The following MAP4 variants were observed in gnomAD, a reference collection of about 807,000 sequenced individuals.
The protein encoded by MAP4 is microtubule-associated protein 4.
MAP4 carries 76 observed loss-of-function variants against 170.2 expected under a neutral mutation model. That is an observed-to-expected ratio of 0.45 (90% CI 0.37 to 0.54). The LOEUF (loss-of-function observed/expected upper bound fraction) is 0.54, where lower values mean the gene tolerates loss of function less well. Among genes scored for constraint, MAP4 ranks in the 20% least tolerant of loss-of-function variants. The probability of loss-of-function intolerance (pLI) is 0.00; values close to 1 mark genes in which losing one functional copy is unlikely to be tolerated. For missense variants in MAP4, 2,506 were observed against 2,748.0 expected (o/e 0.91, Z 1.97); for synonymous variants, 909 against 994.5 (o/e 0.91, Z 1.62).
chr3:48,062,400 CT>C (rs1177795428), intron 1 of MAP4, among the ~76,000 whole-genome samples: 1 of 148,248 alleles, frequency 6.7e-6, no homozygotes, highest in East Asian at 2.0e-4. Context: ...AACCAGAGAC[CT>C]TTGTTCACTT....
chr3:47,876,000 A>G lies in MAP4; in HGVS notation c.5542-100T>C. 3 of 874,040 alleles carry G rather than the reference A, an allele frequency of 3.4e-6. No homozygotes were observed. The South Asian group carries it at 5.0e-5, about 14-fold the overall frequency. The allele number at this position is 874,040 out of a possible 1,614,324, so 54.1% of individuals were successfully genotyped here. On this transcript the variant is annotated intron_variant, in intron 11 of 20. Transcript: ENST00000683076. ...AATTAAAAAAAGTATAAATTGCACA[A>G]TTCAAAGTAAAATTATAAGCAATGA...
At position 47,930,877 on chromosome 3, in the gene MAP4, G is replaced by A. The variant is rs536436925; in HGVS notation, c.293-2527C>T. ...CTGGTAGGCAGAGCTTGCAGTGAGC[G>A]GAGATCACGCCACTGCACTCCGGCC... On this transcript the variant is annotated intron_variant, in intron 3 of 20. Coordinates refer to ENST00000683076, the MANE Select transcript of MAP4 (RefSeq NM_001385682.1). 1.7e-3 allele frequency among the ~76,000 whole-genome samples: 258 copies of A among 150,552 alleles called. 1 individual carries two copies. Among genetic ancestry groups the A allele is most frequent in the Admixed American group, 2.4e-3 (36 of 15,098 alleles).
chr3:48,061,762 C>CCCGGCCAG (rs1347768539), intron 1 of MAP4, among the ~76,000 whole-genome samples: 1 of 149,504 alleles, frequency 6.7e-6, no homozygotes, highest in Non-Finnish European at 1.5e-5. Context: ...GCAGCCCCCG[C>CCCGGCCAG]CCGGCCAGCC....
intron 3 of MAP4, among the ~76,000 whole-genome samples, chr3:47,944,827 C>T (rs576529278): frequency 3.3e-5 from 5 of 150,938 alleles, no homozygotes; most frequent in South Asian, 2.1e-4. Flanking sequence ...CTAATTCTAA[C>T]GAGCTAGTTT....
intron 3 of MAP4, among the ~76,000 whole-genome samples, chr3:47,934,563 A>G (rs1189515576): frequency 6.6e-6 from 1 of 152,194 alleles, no homozygotes; most frequent in African/African-American, 2.4e-5. Context: ...TGGCCTCCCA[A>G]AGTGCTGGGA....
At chr3:48,044,143 C>T (rs1295780877) in intron 1 of MAP4, among the ~76,000 whole-genome samples, 2 of 150,890 alleles carry the variant, frequency 1.3e-5, no homozygotes, top group Non-Finnish European at 3.0e-5. Flanking sequence ...TGCACCCAGC[C>T]GCTCTGTAAT....
chr3:47,997,252 C>A (rs1211237058), intron 2 of MAP4, among the ~76,000 whole-genome samples: 1 of 136,556 alleles, frequency 7.3e-6, no homozygotes, highest in Admixed American at 7.6e-5. Flanking sequence ...TTCAAAAGCA[C>A]AGATCAAGAA....
chr3:47,913,216 T>C (rs1290324386), intron 8 of MAP4, among the ~76,000 whole-genome samples: 1 of 152,144 alleles, frequency 6.6e-6, no homozygotes, highest in Non-Finnish European at 1.5e-5. Context: ...GTTAATATAA[T>C]ATGGATCCAA....
intron 4 of MAP4, among the ~76,000 whole-genome samples, chr3:47,922,592 T>C (rs2100043546): frequency 6.6e-6 from 1 of 152,042 alleles, no homozygotes; most frequent in African/African-American, 2.4e-5. Context: ...AAGTAATTTT[T>C]CACCTCATGT....
intron 1 of MAP4, among the ~76,000 whole-genome samples, chr3:48,008,357 G>C (rs187855461): frequency 1.3e-5 from 2 of 152,180 alleles, no homozygotes; most frequent in African/African-American, 2.4e-5. Flanking sequence ...GACAACACCC[G>C]AAAGTGGAGA....
chr3:48,005,875 C>T (rs1361913703), intron 1 of MAP4, among the ~76,000 whole-genome samples: 1 of 152,152 alleles, frequency 6.6e-6, no homozygotes, highest in African/African-American at 2.4e-5. Context: ...AATTGAAATA[C>T]GAGGGGAATA....
At position 47,911,482 on chromosome 3, in the gene MAP4, T is replaced by C; in HGVS notation, c.2939A>G (p.Asn980Ser). The C allele has an allele frequency of 2.6e-6, 4 of 1,536,024 alleles. No individual in the cohort carries two copies. Among genetic ancestry groups the C allele is most frequent in the Admixed American group, 3.9e-5 (2 of 50,976 alleles). ...PNLVPTLIAS[N>S]PLECNLKEGN... ...TTCTTTTAGATTACATTCTAATGGA[T>C]TACTTGCTATCAAAGTGGGTACCAA... Residue 980 changes from asparagine (N) to serine (S), a missense_variant, in exon 9 of 21, where the codon AAT becomes AGT. Asn to Ser is a conservative substitution (Grantham distance 46). Transcript: ENST00000683076. This position sits in a 1 kb window ranked among gnomAD's most constrained non-coding sequence, Gnocchi z 4.0.
chr3:48,052,163 T>G (rs2100128260), intron 1 of MAP4, among the ~76,000 whole-genome samples: 1 of 152,086 alleles, frequency 6.6e-6, no homozygotes, highest in Non-Finnish European at 1.5e-5. Context: ...CTAGGAGTTG[T>G]GAGTGCAGGG....
intron 10 of MAP4, 87 bp downstream of exon 10, chr3:47,902,863 T>C: frequency 4.3e-6 from 2 of 470,442 alleles, no homozygotes; most frequent in Non-Finnish European, 2.8e-6. Context: ...CTGCTGAGCA[T>C]ATTTTATTTA....
intron 10 of MAP4, among the ~76,000 whole-genome samples, chr3:47,896,337 C>G (rs1352561914): frequency 6.6e-6 from 1 of 151,894 alleles, no homozygotes; most frequent in Non-Finnish European, 1.5e-5. Context: ...CGAGACCAGC[C>G]TGAACAACAT....
At chr3:48,005,057 T>C (rs976071643) in intron 1 of MAP4, among the ~76,000 whole-genome samples, 1 of 152,118 alleles carries the variant, frequency 6.6e-6, no homozygotes, top group Non-Finnish European at 1.5e-5. Context: ...GGAGGTGCGC[T>C]ACACTCAAAA....
intron 3 of MAP4, among the ~76,000 whole-genome samples, chr3:47,960,026 C>T (rs990929224): frequency 1.3e-5 from 2 of 151,878 alleles, no homozygotes; most frequent in Non-Finnish European, 2.9e-5. Flanking sequence ...CCATGCCCAG[C>T]TAACTTTTTG....
chr3:47,908,944 A>T, intron 9 of MAP4, 94 bp downstream of exon 9: 1 of 1,273,204 alleles, frequency 7.9e-7, no homozygotes, highest in Non-Finnish European at 1.1e-6. Context: ...AAGGATGATT[A>T]GAGTCTGGAT....
Position 48,087,737 on chromosome 3 carries a change from ACGCACGCG to A in MAP4, c.-20+1028_-20+1035del, listed in dbSNP as rs748349984. Among the ~76,000 whole-genome samples, 648 of 91,724 alleles carry A rather than the reference ACGCACGCG, an allele frequency of 7.1e-3. 8 individuals are homozygous for A. The highest frequency in any genetic ancestry group is 0.052 in the South Asian group (125 of 2,392). 60.2% of individuals were successfully genotyped at this position (91,724 alleles called of 152,430 possible). On this transcript the variant is annotated intron_variant, in intron 1 of 18. Coordinates refer to the MAP4 transcript ENST00000360240. Reference sequence around the variant, plus strand: ...CACATACACACGCACGCGCACACACACGCACGCGCACACACACACACACACACACACAC... The same window carrying A: ...CACATACACACGCACGCGCACACACACACACACACACACACACACACACAC...
Sources: gnomAD v4.1 joint callset for allele counts (sites outside exome capture counted in the v4.1 genomes callset) on GRCh38, gnomAD v4.1.1 for gene constraint, Gnocchi (gnomAD v3.1) non-coding constraint, MANE v1.5 for transcripts, NCBI Gene and HGNC (gene_info 2026-07-23, HGNC 2026-07-21) for gene names.